UNC5C: variants seen among roughly 807,000 people sequenced by gnomAD.
The protein encoded by UNC5C is netrin receptor UNC5C.
Under a neutral mutation model 99.8 loss-of-function variants are expected in UNC5C, and 47 were observed. The ratio of observed to expected loss-of-function variants is 0.47; its 90% CI spans 0.37 to 0.60. UNC5C has a LOEUF of 0.60. Among genes scored for constraint, UNC5C ranks in the 20% least tolerant of loss-of-function variants. UNC5C has a pLI of 0.00. For synonymous variants in UNC5C, 487 were observed against 452.2 expected (o/e 1.08, Z -0.98); for missense variants, 1,062 against 1,165.9 (o/e 0.91, Z 1.30).
chr4:95,526,974 C>A (rs1469475069), intron 1 of UNC5C, among the ~76,000 whole-genome samples: 5 of 151,916 alleles, frequency 3.3e-5, no homozygotes, highest in African/African-American at 1.2e-4. Context: ...TAATACAAAG[C>A]AAAACATGTC....
chr4:95,220,300 C>A, intron 7 of UNC5C, 124 bp from the exon 8 acceptor site: 1 of 978,790 alleles, frequency 1.0e-6, no homozygotes, highest in Non-Finnish European at 1.5e-6. Context: ...AAATCTATTT[C>A]AAAAGCTATA....
intron 1 of UNC5C, among the ~76,000 whole-genome samples, chr4:95,411,490 C>T (rs1470532322): frequency 1.3e-5 from 2 of 152,140 alleles, no homozygotes; most frequent in South Asian, 2.1e-4. Context: ...GAAGTTCCTG[C>T]AGGAAATAGT....
chr4:95,282,131 C>T (rs1047519320), intron 3 of UNC5C, among the ~76,000 whole-genome samples: 12 of 151,768 alleles, frequency 7.9e-5, no homozygotes, highest in Non-Finnish European at 1.6e-4. Flanking sequence ...GAGACTGCAG[C>T]ATAAAAAAAA....
At chr4:95,411,074 A>C (rs1745972866) in intron 1 of UNC5C, among the ~76,000 whole-genome samples, 1 of 152,210 alleles carries the variant, frequency 6.6e-6, no homozygotes, top group Admixed American at 6.5e-5. Context: ...TGATGATCCA[A>C]AAGAAATTAT....
intron 5 of UNC5C, chr4:95,248,435 T>A: frequency 5.0e-6 from 2 of 396,310 alleles, no homozygotes; most frequent in Admixed American, 6.5e-5. Context: ...GTTATTTTAA[T>A]AAGATCGATA....
In UNC5C at chr4:95,167,361, A is replaced by C. The variant is rs766743981; in HGVS notation, c.*1873T>G. Reference sequence around the variant, plus strand: ...GAGCTTGTGATGGTCCCAAGGAAACATAATAGTTGTTTACACAAAGTAGTG... The same window carrying C: ...GAGCTTGTGATGGTCCCAAGGAAACCTAATAGTTGTTTACACAAAGTAGTG... On this transcript the variant is annotated 3_prime_UTR_variant, in exon 16 of 16. Transcript: ENST00000453304. 2.6e-5 allele frequency: 4 copies of C among 152,238 alleles called. No homozygotes were observed. The highest frequency in any genetic ancestry group is 5.9e-5 in the Non-Finnish European group (4 of 68,046). The allele number at this position is 152,238 out of a possible 1,614,324, so 9.4% of individuals were successfully genotyped here.
In UNC5C at chr4:95,548,771, G is replaced by A. The variant is rs1006184319; in HGVS notation, c.87C>T (p.Ala29=). The change falls in exon 1 of 16, where the codon GCC becomes GCT. Residue 29 remains alanine (A), a synonymous_variant. Coordinates refer to ENST00000453304, the MANE Select transcript of UNC5C (RefSeq NM_003728.4). Reference sequence around the variant, plus strand: ...AGCCAGTGCCGCTGGCGCTGAGCAGGGCCAGGGCAGGTAGCACGAGCATTT... The same window carrying A: ...AGCCAGTGCCGCTGGCGCTGAGCAGAGCCAGGGCAGGTAGCACGAGCATTT... The part of the protein sequence containing the change: ...LLQMLVLPAL[A]LLSASGTGSA... The A allele has an allele frequency of 3.7e-6, 6 of 1,613,304 alleles. No individual in the cohort carries two copies. In the African/African-American group the frequency reaches 6.7e-5, roughly 18 times the overall value.
intron 1 of UNC5C, among the ~76,000 whole-genome samples, chr4:95,447,693 G>T (rs867896161): frequency 1.6e-4 from 25 of 152,176 alleles, no homozygotes; most frequent in Middle Eastern, 6.8e-3. Context: ...TAGAGACGGG[G>T]TTTCACCATG....
chr4:95,213,048 T>G (rs1738129389), intron 10 of UNC5C, among the ~76,000 whole-genome samples: 3 of 152,226 alleles, frequency 2.0e-5, no homozygotes, highest in Admixed American at 2.0e-4. Context: ...GATCAATCTT[T>G]AAAAAGCGCT....
At chr4:95,427,549 A>T (rs536269611) in intron 1 of UNC5C, among the ~76,000 whole-genome samples, 2 of 152,302 alleles carry the variant, frequency 1.3e-5, no homozygotes, top group Non-Finnish European at 2.9e-5. Flanking sequence ...CATCAACATC[A>T]AGGCAAGACC....
intron 7 of UNC5C, among the ~76,000 whole-genome samples, chr4:95,238,375 A>T (rs751734201): frequency 6.6e-6 from 1 of 152,156 alleles, no homozygotes; most frequent in Admixed American, 6.5e-5. Context: ...CATTTTAGCT[A>T]TAACAGTGGA....
intron 4 of UNC5C, among the ~76,000 whole-genome samples, chr4:95,270,477 C>T (rs970271648): frequency 6.6e-6 from 1 of 152,128 alleles, no homozygotes; most frequent in African/African-American, 2.4e-5. Context: ...GCATTTTGCT[C>T]AGTTGTTGTT....
intron 1 of UNC5C, among the ~76,000 whole-genome samples, chr4:95,362,707 G>A (rs925776156): frequency 3.3e-5 from 5 of 152,110 alleles, no homozygotes; most frequent in Non-Finnish European, 7.4e-5. Flanking sequence ...TTTTTGGAAA[G>A]TTCTTACTTG....
chr4:95,485,483 C>A (rs781185264), intron 1 of UNC5C, among the ~76,000 whole-genome samples: 55 of 151,838 alleles, frequency 3.6e-4, no homozygotes, highest in Middle Eastern at 3.4e-3. Context: ...TTTATGTAAA[C>A]CACTTTATAG....
At chr4:95,344,191 C>T (rs183318426) in intron 1 of UNC5C, among the ~76,000 whole-genome samples, 32 of 151,864 alleles carry the variant, frequency 2.1e-4, no homozygotes, top group East Asian at 1.6e-3. Flanking sequence ...GGATCCTAAA[C>T]GCAGCAAGAG....
chr4:95,214,205 A>C (rs1027322971), intron 10 of UNC5C, among the ~76,000 whole-genome samples: 5 of 152,248 alleles, frequency 3.3e-5, no homozygotes, highest in African/African-American at 1.2e-4. Context: ...ACAGAAAACT[A>C]GTGAAGAGAA....
In UNC5C at chr4:95,208,614, C is replaced by T. The variant is rs151263873; in HGVS notation, c.1734-1818G>A. 3.3e-4 allele frequency among the ~76,000 whole-genome samples: 51 copies of T among 152,244 alleles called. No individual in the cohort carries two copies. The East Asian group carries it at 7.3e-3, about 22-fold the overall frequency. Reference sequence around the variant, plus strand: ...CTCATTCTAACCATTGATAACTTTGCAACACAAGAACAGGGCAAGGGCAGA... The same window carrying T: ...CTCATTCTAACCATTGATAACTTTGTAACACAAGAACAGGGCAAGGGCAGA... On this transcript the variant is annotated intron_variant, in intron 10 of 15. Transcript: ENST00000453304.
chr4:95,173,555 G>A lies in UNC5C; in HGVS notation c.2452-3223C>T, dbSNP rs1301135587. Among the ~76,000 whole-genome samples, 24 of 140,452 alleles carry A rather than the reference G, an allele frequency of 1.7e-4. No homozygotes were observed. In the East Asian group the frequency reaches 1.9e-3, roughly 11 times the overall value. 92.1% of individuals were successfully genotyped at this position (140,452 alleles called of 152,430 possible). A position where few individuals can be genotyped will look rare whatever the true frequency, so the allele number is the denominator to read the frequency against. ...TGCTGGATTACATTTATTGATTTGC[G>A]TATATTGAACCAGCCTTGCATCCCA... On this transcript the variant is annotated intron_variant, in intron 14 of 15. Transcript: ENST00000453304.
chr4:95,532,895 T>G (rs1276265105), intron 1 of UNC5C, among the ~76,000 whole-genome samples: 1 of 144,496 alleles, frequency 6.9e-6, no homozygotes, highest in Admixed American at 7.0e-5. Context: ...TAAAGGTAAC[T>G]GTTTAGTAAA....
Sources: gnomAD v4.1 joint callset for allele counts (sites outside exome capture counted in the v4.1 genomes callset) on GRCh38, gnomAD v4.1.1 for gene constraint, MANE v1.5 for transcripts, NCBI Gene and HGNC (gene_info 2026-07-23, HGNC 2026-07-21) for gene names.